Variants in NBPF20 observed in about 807,000 individuals in gnomAD.
The protein encoded by NBPF20 is NBPF family member NBPF20.
Under a neutral mutation model 68.1 loss-of-function variants are expected in NBPF20, and 90 were observed. The observed-to-expected ratio is 1.32, with a 90% CI of 1.11 to 1.58. The LOEUF (loss-of-function observed/expected upper bound fraction) is 1.58, where lower values mean the gene tolerates loss of function less well. NBPF20 is among the 40% of genes most tolerant of loss of function. The probability of loss-of-function intolerance (pLI) is 0.00; values close to 1 mark genes in which losing one functional copy is unlikely to be tolerated. For synonymous variants in NBPF20, 290 were observed against 228.1 expected, an observed-to-expected ratio of 1.27 and a Z score of -2.45; for missense variants, 816 against 601.2, an observed-to-expected ratio of 1.36 and a Z score of -3.74.
At chr1:145,399,834 T>C (rs1365753866) in intron 6 of NBPF20, among the ~76,000 whole-genome samples, 2 of 139,470 alleles carry the variant, frequency 1.4e-5, no homozygotes, top group African/African-American at 2.7e-5. Context: ...GGATCAGCCA[T>C]TGCATTGACA....
At chr1:145,400,315 T>A in intron 6 of NBPF20, 74 bp downstream of exon 11, 6 of 1,602,554 alleles carry the variant, frequency 3.7e-6, no homozygotes, top group Non-Finnish European at 5.1e-6. Context: ...AATTTGTGTT[T>A]ATAGAGCCTG....
rs1222323372 is a variant in NBPF20, at chr1:145,291,296, T to G, written c.*230A>C. On this transcript the variant is annotated 3_prime_UTR_variant, in exon 138 of 138. Coordinates refer to ENST00000369373, the Ensembl canonical transcript of NBPF20. Reference sequence around the variant, plus strand: ...CAAATTAAAATGTCTGACTGATCACTCCCGGCATGTGCTGCACAGTTATGT... The same window carrying G: ...CAAATTAAAATGTCTGACTGATCACGCCCGGCATGTGCTGCACAGTTATGT... The G allele has an allele frequency of 4.5e-6, 3 of 669,794 alleles. No individual in the cohort carries two copies. In the African/African-American group the frequency reaches 5.5e-5, roughly 12 times the overall value. The allele number at this position is 669,794 out of a possible 1,614,324, so 41.5% of individuals were successfully genotyped here. A position where few individuals can be genotyped will look rare whatever the true frequency, so the allele number is the denominator to read the frequency against.
chr1:145,291,867 A>G lies in NBPF20; in HGVS notation c.16698-98T>C, dbSNP rs1661126913. The G allele has an allele frequency of 1.9e-6, 3 of 1,604,826 alleles. No individual in the cohort carries two copies. In the Admixed American group the frequency reaches 5.2e-5, roughly 28 times the overall value. On this transcript the variant is annotated intron_variant, in intron 137 of 137. Coordinates refer to ENST00000369373, the Ensembl canonical transcript of NBPF20. ...AGTCACATAAGGAAGTGGTTAGAAA[A>G]GAAAAAGGATAGATCCATTAATGAG...
At chr1:145,399,805 G>A (rs1280243666) in intron 6 of NBPF20, among the ~76,000 whole-genome samples, 2 of 118,082 alleles carry the variant, frequency 1.7e-5, no homozygotes, top group Admixed American at 9.3e-5. Flanking sequence ...AAAAATCCAC[G>A]ATGCTACAAA....
chr1:145,419,936 C>T, the NBPF20 span, among the ~76,000 whole-genome samples: 6 of 151,972 alleles, frequency 3.9e-5, no homozygotes, highest in Non-Finnish European at 7.4e-5. Context: ...GAGATGGGAA[C>T]GGCCTTCAAA....
chr1:145,291,197 G>T (rs1208231617), exon 138 of NBPF20: 56 of 478,346 alleles, frequency 1.2e-4, no homozygotes, highest in Non-Finnish European at 1.7e-4. Context: ...CCTTGAGCAG[G>T]TATAGAAGCT....
chr1:145,393,443 TCACACACACACACAAACA>T (rs1662023517), intron 9 of NBPF20, among the ~76,000 whole-genome samples, 197 bp from the exon 15 acceptor site: 1 of 100,598 alleles, frequency 9.9e-6, no homozygotes, highest in South Asian at 3.2e-4. Flanking sequence ...AGACACACAC[TCACACACACACACAAACA>T]CACACACACA....
At chr1:145,291,619 G>C (rs782145684) in exon 138 of NBPF20, 18 of 1,611,982 alleles carry the variant, frequency 1.1e-5, no homozygotes, top group East Asian at 2.2e-5. Flanking sequence ...GGGCGAAGCT[G>C]ATGTGCTGTT....
At chr1:145,407,468 TATAA>T (rs1662847472), upstream of NBPF20, among the ~76,000 whole-genome samples, 1 of 145,796 alleles carries the variant, frequency 6.9e-6, no homozygotes, top group African/African-American at 2.6e-5. Flanking sequence ...TACACGTATA[TATAA>T]TATATATACA....
At chr1:145,408,883 G>A (rs1392346098), upstream of NBPF20, among the ~76,000 whole-genome samples, 23 of 151,334 alleles carry the variant, frequency 1.5e-4, no homozygotes, top group Non-Finnish European at 3.2e-4. Context: ...CTAATTGCTA[G>A]TATGGAGAAA....
intron 7 of NBPF20, among the ~76,000 whole-genome samples, chr1:145,396,887 T>A (rs1296205740): frequency 7.7e-6 from 1 of 130,112 alleles, no homozygotes; most frequent in South Asian, 2.8e-4. Context: ...CATTTAACAT[T>A]AGGTATATCT....
At chr1:145,292,609 G>T (rs184784533) in intron 136 of NBPF20, 120 bp from the exon 142 acceptor site, 2 of 747,638 alleles carry the variant, frequency 2.7e-6, no homozygotes, top group Admixed American at 3.7e-5. Flanking sequence ...AGGACACTTT[G>T]AGAGATATAT....
At chr1:145,413,373 T>C in the NBPF20 span, among the ~76,000 whole-genome samples, 2 of 150,286 alleles carry the variant, frequency 1.3e-5, no homozygotes, top group African/African-American at 4.9e-5. Flanking sequence ...AGAATGTTCA[T>C]AGCAGTTTTA....
upstream of NBPF20, among the ~76,000 whole-genome samples, chr1:145,410,338 G>T (rs1179020937): frequency 1.6e-4 from 23 of 145,854 alleles, no homozygotes; most frequent in Admixed American, 1.6e-3. Flanking sequence ...TTTTTGAGAC[G>T]GAGTCTCGCT....
chr1:145,417,908 TA>T, the NBPF20 span, among the ~76,000 whole-genome samples: 1 of 133,340 alleles, frequency 7.5e-6, no homozygotes, highest in African/African-American at 2.8e-5. Flanking sequence ...ATCCTGCACA[TA>T]AGTACTTGCA....
At chr1:145,415,133 A>C in the NBPF20 span, among the ~76,000 whole-genome samples, 2 of 151,960 alleles carry the variant, frequency 1.3e-5, no homozygotes, top group African/African-American at 4.8e-5. Context: ...GCAGGTAAAC[A>C]CGTGAACAAA....
chr1:145,352,312 C>A (rs1460759057), intron 61 of NBPF20, among the ~76,000 whole-genome samples: 1 of 90,970 alleles, frequency 1.1e-5, no homozygotes, highest in Non-Finnish European at 2.4e-5. Flanking sequence ...CACACACACA[C>A]ACACACACAC....
chr1:145,400,478 T>C, exon 6 of NBPF20: 1 of 1,613,096 alleles, frequency 6.2e-7, no homozygotes, highest in Non-Finnish European at 8.5e-7. Context: ...AAATGTGATT[T>C]TGGTTTTCCT....
upstream of NBPF20, chr1:145,408,318 GGACA>G (rs1437681630): frequency 6.5e-6 from 1 of 153,188 alleles, no homozygotes; most frequent in Non-Finnish European, 1.5e-5. Flanking sequence ...AGGGATAGAT[GGACA>G]GACACCTTCC....
Sources: gnomAD v4.1 joint callset for allele counts (sites outside exome capture counted in the v4.1 genomes callset) on GRCh38, gnomAD v4.1.1 for gene constraint, MANE v1.5 for transcripts, NCBI Gene and HGNC (gene_info 2026-07-23, HGNC 2026-07-21) for gene names.